RYR2: variants seen among roughly 807,000 people sequenced by gnomAD.
The protein encoded by RYR2 is ryanodine receptor 2.
A neutral mutation model predicts 601.1 loss-of-function variants in RYR2; 227 were observed. The observed-to-expected ratio is 0.38, with a 90% CI of 0.34 to 0.42. RYR2 has a LOEUF of 0.42. RYR2 is among the 10% of genes least tolerant of loss of function. The pLI is 1.00. For missense variants in RYR2, 4,646 were observed against 6,156.5 expected (o/e 0.75, Z 8.21); for synonymous variants, 2,223 against 2,175.1 (o/e 1.02, Z -0.61).
intron 14 of RYR2, among the ~76,000 whole-genome samples, chr1:237,453,256 A>ACCAATTC (rs1658418931): frequency 6.6e-6 from 1 of 152,126 alleles, no homozygotes. Flanking sequence ...TTCTGTTCAT[A>ACCAATTC]TATAATTGGT....
In RYR2 at chr1:237,500,808, G is replaced by A. The variant is rs117588730; in HGVS notation, c.2301G>A (p.Ser767=). 1.9e-5 allele frequency: 31 copies of A among 1,613,868 alleles called. No homozygotes were observed. The highest frequency in any genetic ancestry group is 2.5e-5 in the Non-Finnish European group (29 of 1,179,894). The part of the protein sequence containing the change: ...CCLDLSAPSI[S]FRINGQPVQG... The stretch of plus-strand genomic sequence containing the variant: ...TAGATCTGAGTGCCCCAAGCATCTC[G>A]TTCCGAATTAATGGACAACCTGTTC... The change falls in exon 21 of 105, where the codon TCG becomes TCA. Residue 767 remains serine (S), a synonymous_variant. Transcript: ENST00000366574.
chr1:237,449,881 T>C (rs1445948442), intron 14 of RYR2, among the ~76,000 whole-genome samples: 3 of 152,196 alleles, frequency 2.0e-5, no homozygotes, highest in African/African-American at 7.2e-5. Context: ...GTGCTGGCTA[T>C]TTTTATATTC....
chr1:237,481,202 GTATT>G (rs1195345205), intron 17 of RYR2, among the ~76,000 whole-genome samples: 1 of 150,970 alleles, frequency 6.6e-6, no homozygotes, highest in Non-Finnish European at 1.5e-5. Flanking sequence ...TTAGAGTAAT[GTATT>G]TATTTCATGA....
chr1:237,702,543 G>A (rs1278906534), intron 66 of RYR2, among the ~76,000 whole-genome samples: 8 of 152,056 alleles, frequency 5.3e-5, no homozygotes, highest in Non-Finnish European at 1.2e-4. Context: ...AGAAATTTCT[G>A]TGAACCAGAG....
Position 237,795,301 on chromosome 1 carries a change from C to T in RYR2, c.13926C>T (p.Asn4642=), listed in dbSNP as rs2149392499. ...TTGTATATTTTAGGTCATTTCCCAA[C>T]AACTACTGGGACAAATTTGTTAAAA... The part of the protein sequence containing the change: ...RLVINTQSFP[N]NYWDKFVKRK... The change falls in exon 96 of 105, where the codon AAC becomes AAT. Residue 4642 remains asparagine (N), a synonymous_variant. Coordinates refer to ENST00000366574, the MANE Select transcript of RYR2 (RefSeq NM_001035.3). 3 of 1,414,038 alleles carry T rather than the reference C, an allele frequency of 2.1e-6. No homozygotes were observed. Among genetic ancestry groups the T allele is most frequent in the South Asian group, 1.3e-5 (1 of 76,684 alleles). The allele number at this position is 1,414,038 out of a possible 1,614,324, so 87.6% of individuals were successfully genotyped here.
intron 1 of RYR2, among the ~76,000 whole-genome samples, chr1:237,222,136 C>T (rs1683855093): frequency 6.6e-6 from 1 of 152,054 alleles, no homozygotes; most frequent in Admixed American, 6.6e-5. Context: ...AAGCTTGGGC[C>T]AGGCGCGGTG....
chr1:237,510,682 T>G (rs916116933), intron 23 of RYR2, among the ~76,000 whole-genome samples: 5 of 152,192 alleles, frequency 3.3e-5, no homozygotes, highest in Non-Finnish European at 5.9e-5. Context: ...GATCTGGTAA[T>G]GATGCTCATG....
At chr1:237,078,821 C>A (rs1665299398) in intron 1 of RYR2, among the ~76,000 whole-genome samples, 1 of 100,642 alleles carries the variant, frequency 9.9e-6, no homozygotes, top group Admixed American at 1.1e-4. Flanking sequence ...AGAGACACAA[C>A]CCAAAAAGAG....
chr1:237,806,045 C>G (rs2149437020), intron 98 of RYR2, 92 bp from the exon 99 acceptor site: 1 of 1,135,074 alleles, frequency 8.8e-7, no homozygotes, highest in Non-Finnish European at 1.3e-6. Context: ...TAGAGTTTAA[C>G]TTTCTGTTCC....
At chr1:237,742,270 C>CCTTTTTTTTTTTTTTTTT (rs746171474) in intron 79 of RYR2, 26 bp from the exon 80 acceptor site, 3 of 1,183,902 alleles carry the variant, frequency 2.5e-6, no homozygotes, top group Non-Finnish European at 1.2e-6. Flanking sequence ...TTCCTGTCTC[C>CCTTTTTTTTTTTTTTTTT]TTTTTTTTTT....
chr1:237,791,481 C>A lies in RYR2; in HGVS notation c.13529C>A (p.Ala4510Glu). ...YNMRMLALFV[A>E]FAINFILLFY... ...ATGAGAATGTTAGCCTTATTTGTCG[C>A]ATTTGCTATCAATTTCATCTTGCTC... The change falls in exon 93 of 105, where the codon GCA (alanine) becomes GAA (glutamate). Residue 4510 changes from alanine to glutamate, a missense_variant. By Grantham distance (107) the Ala-to-Glu change is moderately radical (BLOSUM62 -1). Around this residue, in one of 17 missense-constraint regions of RYR2, gnomAD observed 364 missense variants for 442.9 expected, o/e 0.82. Transcript: ENST00000366574. The A allele has an allele frequency of 6.4e-7, 1 of 1,571,072 alleles. No homozygotes were observed. The highest frequency in any genetic ancestry group is 8.7e-7 in the Non-Finnish European group (1 of 1,153,096).
At chr1:237,293,092 T>C (rs1692405071) in intron 2 of RYR2, among the ~76,000 whole-genome samples, 1 of 152,122 alleles carries the variant, frequency 6.6e-6, no homozygotes, top group African/African-American at 2.4e-5. Flanking sequence ...TCTCCAGCAA[T>C]ACTAAGTGTT....
In RYR2 at chr1:237,832,928, AG is replaced by A; in HGVS notation, c.*282del. On this transcript the variant is annotated 3_prime_UTR_variant, in exon 105 of 105. Coordinates refer to ENST00000366574, the MANE Select transcript of RYR2 (RefSeq NM_001035.3). ...GGACACTGTCATAACACACATAGATAGATTTTCTTCTGAGACTCCCGGAGTC... is the reference window on the plus strand; with the variant it reads ...GGACACTGTCATAACACACATAGATAATTTTCTTCTGAGACTCCCGGAGTC... 4.1e-6 allele frequency: 1 copy of A among 244,490 alleles called. No individual in the cohort carries two copies. The highest frequency in any genetic ancestry group is 8.0e-6 in the Non-Finnish European group (1 of 125,548). The allele number at this position is 244,490 out of a possible 1,614,324, so 15.1% of individuals were successfully genotyped here. A position where few individuals can be genotyped will look rare whatever the true frequency, so the allele number is the denominator to read the frequency against.
chr1:237,772,138 T>C (rs1467282424), intron 86 of RYR2, 38 bp downstream of exon 86: 1 of 1,129,286 alleles, frequency 8.9e-7, no homozygotes, highest in South Asian at 1.3e-5. Flanking sequence ...ATTAAAAGGG[T>C]TGGTATGTTG....
intron 1 of RYR2, among the ~76,000 whole-genome samples, chr1:237,154,602 T>C (rs1408868940): frequency 1.3e-5 from 2 of 152,038 alleles, no homozygotes; most frequent in African/African-American, 2.4e-5. Context: ...TGCTTGAGCA[T>C]AGGGGTTTGA....
At chr1:237,677,905 T>C in intron 60 of RYR2, 143 bp from the exon 61 acceptor site, 1 of 608,258 alleles carries the variant, frequency 1.6e-6, no homozygotes, top group Non-Finnish European at 3.0e-6. Context: ...TGCCAAAGTT[T>C]GCCTTTATAT....
At chr1:237,448,676 A>G (rs901632293) in intron 14 of RYR2, among the ~76,000 whole-genome samples, 5 of 151,796 alleles carry the variant, frequency 3.3e-5, no homozygotes, top group African/African-American at 1.2e-4. Context: ...TTAAGTGCAT[A>G]CCTGTTTAGG....
At chr1:237,190,233 C>A (rs1487547639) in intron 1 of RYR2, among the ~76,000 whole-genome samples, 1 of 152,094 alleles carries the variant, frequency 6.6e-6, no homozygotes, top group Non-Finnish European at 1.5e-5. Context: ...TTTCCACCAA[C>A]AGTGCGTAGT....
Position 237,249,305 on chromosome 1 carries a change from G to A in RYR2, c.49-21192G>A, listed in dbSNP as rs1687222169. Among the ~76,000 whole-genome samples, 5 of 152,072 alleles carry A rather than the reference G, an allele frequency of 3.3e-5. No individual in the cohort carries two copies. The South Asian group carries it at 1.0e-3, about 32-fold the overall frequency. On this transcript the variant is annotated intron_variant, in intron 1 of 104. Transcript: ENST00000366574. The stretch of plus-strand genomic sequence containing the variant: ...TAACAGTGCTGTCTGTCTTCCATGA[G>A]TCATACTGACCCAGTACAAGGTCCT...
Sources: allele counts gnomAD v4.1 joint callset (sites outside exome capture counted in the v4.1 genomes callset), GRCh38; gene constraint gnomAD v4.1.1; regional missense constraint gnomAD v4.1.1; transcripts MANE v1.5; gene names NCBI Gene and HGNC (gene_info 2026-07-23, HGNC 2026-07-21).